SPAG16: variants seen among roughly 807,000 people sequenced by gnomAD.
SPAG16 encodes the protein sperm associated antigen 16.
A neutral mutation model predicts 80.4 loss-of-function variants in SPAG16; 86 were observed. That is an observed-to-expected ratio of 1.07 (90% CI 0.90 to 1.28). The LOEUF is 1.28. SPAG16 is among the 50% of genes most tolerant of loss of function. The pLI is 0.00. For synonymous variants in SPAG16, 294 were observed against 265.9 expected (o/e 1.11, Z -1.03); for missense variants, 870 against 765.3 (o/e 1.14, Z -1.61).
intron 13 of SPAG16, among the ~76,000 whole-genome samples, chr2:214,021,302 A>C (rs1426445433): frequency 6.6e-6 from 1 of 152,194 alleles, no homozygotes; most frequent in Non-Finnish European, 1.5e-5. Flanking sequence ...GCTGCTGATA[A>C]AGACATACCC....
chr2:213,742,856 C>T (rs766171633), intron 10 of SPAG16, among the ~76,000 whole-genome samples: 1 of 152,084 alleles, frequency 6.6e-6, no homozygotes, highest in African/African-American at 2.4e-5. Flanking sequence ...AGCCACCGTG[C>T]TCGGCTGCTT....
chr2:214,366,529 A>T (rs1376085494), intron 15 of SPAG16, among the ~76,000 whole-genome samples: 1 of 152,204 alleles, frequency 6.6e-6, no homozygotes, highest in Non-Finnish European at 1.5e-5. Context: ...TCATTTATGG[A>T]TTATATCCAT....
intron 15 of SPAG16, among the ~76,000 whole-genome samples, chr2:214,284,928 C>T (rs951170814): frequency 2.6e-5 from 4 of 152,032 alleles, no homozygotes; most frequent in Admixed American, 6.5e-5. Flanking sequence ...TGAGTAGGAC[C>T]ACAATCAACA....
At chr2:214,182,574 A>G (rs1309673108) in intron 15 of SPAG16, among the ~76,000 whole-genome samples, 7 of 151,906 alleles carry the variant, frequency 4.6e-5, no homozygotes, top group Admixed American at 2.6e-4. Flanking sequence ...CTTTAAGTCA[A>G]AGTTAGTTGC....
Position 214,410,111 on chromosome 2 carries a change from TCTCTCTCTCTC to T in SPAG16, c.1721-22_1721-12del. On this transcript the variant is annotated intron_variant, in intron 15 of 15. Transcript: ENST00000331683. Reference sequence around the variant, plus strand: ...CTTGAAATAAAACTTTGATTCATTCTCTCTCTCTCTCCTCTCTGTCTCCCTCAGGTCGAGTT... The same window carrying T: ...CTTGAAATAAAACTTTGATTCATTCTCTCTCTGTCTCCCTCAGGTCGAGTT... 6.2e-7 allele frequency: 1 copy of T among 1,607,812 alleles called. No homozygotes were observed. The highest frequency in any genetic ancestry group is 1.7e-5 in the Admixed American group (1 of 59,932).
At chr2:213,642,088 G>T (rs2062613568) in intron 10 of SPAG16, among the ~76,000 whole-genome samples, 1 of 152,172 alleles carries the variant, frequency 6.6e-6, no homozygotes. Flanking sequence ...AGATTTGGGT[G>T]GGGACACAGA....
chr2:213,780,940 C>T (rs2069921125), intron 10 of SPAG16, among the ~76,000 whole-genome samples: 1 of 152,122 alleles, frequency 6.6e-6, no homozygotes, highest in Non-Finnish European at 1.5e-5. Context: ...TCATATTCCA[C>T]ATGATACTAT....
chr2:213,818,804 G>C (rs563275440), intron 10 of SPAG16, among the ~76,000 whole-genome samples: 20 of 152,170 alleles, frequency 1.3e-4, no homozygotes, highest in African/African-American at 4.6e-4. Flanking sequence ...GAGATCTGAT[G>C]GTTTAAAAGT....
intron 10 of SPAG16, among the ~76,000 whole-genome samples, chr2:213,645,463 G>C (rs1018849586): frequency 1.3e-5 from 2 of 152,158 alleles, no homozygotes; most frequent in Non-Finnish European, 2.9e-5. Context: ...TTAGTTAGCA[G>C]GTGATGAATG....
At chr2:213,493,662 G>A (rs970103424) in intron 10 of SPAG16, among the ~76,000 whole-genome samples, 2 of 151,266 alleles carry the variant, frequency 1.3e-5, no homozygotes, top group Non-Finnish European at 3.0e-5. Context: ...TGCAGACTCC[G>A]ATTCCCAGGT....
intron 15 of SPAG16, among the ~76,000 whole-genome samples, chr2:214,262,962 A>G (rs1241429294): frequency 6.6e-6 from 1 of 152,076 alleles, no homozygotes; most frequent in African/African-American, 2.4e-5. Context: ...ACAAATGAAA[A>G]TTGTATACAT....
chr2:214,346,632 C>A (rs1240746045), intron 15 of SPAG16, among the ~76,000 whole-genome samples: 1 of 152,152 alleles, frequency 6.6e-6, no homozygotes, highest in African/African-American at 2.4e-5. Context: ...TCATAAAAGG[C>A]CATGCATTAG....
rs1304729180 is a variant in SPAG16, at chr2:214,010,605, CT to C, written c.1401-3345del. ...GACTGACCTCAGACTTTGCAGTACTCTAACAGTGAATTGTTTCTCCACAAAC... is the reference window on the plus strand; with the variant it reads ...GACTGACCTCAGACTTTGCAGTACTCAACAGTGAATTGTTTCTCCACAAAC... On this transcript the variant is annotated intron_variant, in intron 12 of 15. Coordinates refer to ENST00000331683, the MANE Select transcript of SPAG16 (RefSeq NM_024532.5). Among the ~76,000 whole-genome samples, 10 of 146,702 alleles carry C rather than the reference CT, an allele frequency of 6.8e-5. 1 individual carries two copies. The highest frequency in any genetic ancestry group is 2.4e-4 in the African/African-American group (9 of 37,472).
chr2:213,298,802 G>T (rs1313027120), intron 3 of SPAG16, among the ~76,000 whole-genome samples: 1 of 152,120 alleles, frequency 6.6e-6, no homozygotes, highest in Middle Eastern at 3.4e-3. Context: ...TTGATTTCTG[G>T]CATGTCTGTA....
intron 15 of SPAG16, among the ~76,000 whole-genome samples, chr2:214,380,486 G>A (rs1210434400): frequency 1.3e-5 from 2 of 152,154 alleles, no homozygotes; most frequent in African/African-American, 4.8e-5. Context: ...TGCAGAAAAT[G>A]AGCAACAGAA....
In SPAG16 at chr2:213,925,557, G is replaced by T. The variant is rs752566753; in HGVS notation, c.1215-4403G>T. Among the ~76,000 whole-genome samples, 88 of 152,194 alleles carry T rather than the reference G, an allele frequency of 5.8e-4. 1 individual carries two copies. The highest frequency in any genetic ancestry group is 9.8e-4 in the Admixed American group (15 of 15,286). Reference sequence around the variant, plus strand: ...AGTAGGGATATGGTTTCACCATGTTGGCCAGGCTGGTCTCGAACTCCTGAC... The same window carrying T: ...AGTAGGGATATGGTTTCACCATGTTTGCCAGGCTGGTCTCGAACTCCTGAC... On this transcript the variant is annotated intron_variant, in intron 11 of 15. Coordinates refer to ENST00000331683, the MANE Select transcript of SPAG16 (RefSeq NM_024532.5).
At chr2:213,684,144 T>C (rs2064537808) in intron 10 of SPAG16, among the ~76,000 whole-genome samples, 1 of 152,244 alleles carries the variant, frequency 6.6e-6, no homozygotes, top group South Asian at 2.1e-4. Context: ...GAAGCTATCC[T>C]GTCAACACTG....
chr2:213,779,495 T>A (rs2069811903), intron 10 of SPAG16, among the ~76,000 whole-genome samples: 2 of 152,224 alleles, frequency 1.3e-5, no homozygotes, highest in Non-Finnish European at 2.9e-5. Context: ...TTGGTTTTGT[T>A]ATTCATGGTC....
intron 10 of SPAG16, among the ~76,000 whole-genome samples, chr2:213,678,674 C>T (rs1056666589): frequency 6.6e-6 from 1 of 152,164 alleles, no homozygotes; most frequent in Non-Finnish European, 1.5e-5. Flanking sequence ...GTCCTACCCT[C>T]CTACTGCAGA....
Sources: allele counts gnomAD v4.1 joint callset (sites outside exome capture counted in the v4.1 genomes callset), GRCh38; gene constraint gnomAD v4.1.1; transcripts MANE v1.5; gene names NCBI Gene and HGNC (gene_info 2026-07-23, HGNC 2026-07-21).